Variants in SAP30BP observed in about 807,000 individuals in gnomAD.
SAP30BP encodes the protein SAP30-binding protein.
SAP30BP carries 31 observed loss-of-function variants against 46.3 expected under a neutral mutation model. The ratio of observed to expected loss-of-function variants is 0.67; its 90% CI spans 0.50 to 0.90. The LOEUF is 0.90. Among genes scored for constraint, SAP30BP ranks in the 40% least tolerant of loss-of-function variants. The pLI, the probability that SAP30BP is intolerant of heterozygous loss-of-function variation, is 0.00. For missense variants in SAP30BP, 312 were observed against 391.0 expected (o/e 0.80, Z 1.70); for synonymous variants, 169 against 144.2 (o/e 1.17, Z -1.23).
At chr17:75,702,835 C>T (rs902308853) in intron 6 of SAP30BP, 2 of 345,882 alleles carry the variant, frequency 5.8e-6, no homozygotes, top group Non-Finnish European at 1.1e-5. Flanking sequence ...CGTCCCTGCT[C>T]TGAGCCTAAA....
chr17:75,692,450 C>CACGT (rs1223049449), intron 3 of SAP30BP: 11 of 985,320 alleles, frequency 1.1e-5, no homozygotes, highest in Non-Finnish European at 1.3e-5. Context: ...TGATGATGAG[C>CACGT]ACGTGTGGCC....
intron 3 of SAP30BP, chr17:75,692,367 T>TC: frequency 3.0e-6 from 3 of 985,418 alleles, no homozygotes; most frequent in East Asian, 1.1e-4. Flanking sequence ...TCCTGTCTCA[T>TC]CTCCTCCCTC....
At chr17:75,685,709 C>T (rs909722507) in intron 3 of SAP30BP, among the ~76,000 whole-genome samples, 1 of 152,120 alleles carries the variant, frequency 6.6e-6, no homozygotes, top group Non-Finnish European at 1.5e-5. Flanking sequence ...TCCCCCCAAC[C>T]CCCCAAATAT....
intron 4 of SAP30BP, among the ~76,000 whole-genome samples, chr17:75,698,637 T>C (rs1410609775): frequency 6.6e-6 from 1 of 151,130 alleles, no homozygotes; most frequent in Admixed American, 6.6e-5. Flanking sequence ...TACAGACATA[T>C]GCAGTGGTGG....
chr17:75,680,310 C>G (rs908984059), intron 3 of SAP30BP, among the ~76,000 whole-genome samples: 1 of 152,122 alleles, frequency 6.6e-6, no homozygotes, highest in African/African-American at 2.4e-5. Flanking sequence ...TTTAAAAAGG[C>G]GTGTATAACC....
At chr17:75,697,467 G>T (rs893912581) in intron 4 of SAP30BP, among the ~76,000 whole-genome samples, 1 of 152,184 alleles carries the variant, frequency 6.6e-6, no homozygotes, top group African/African-American at 2.4e-5. Context: ...TGAGGAGTCA[G>T]GAGACCAAAG....
chr17:75,671,412 G>A (rs1368889035), intron 2 of SAP30BP, among the ~76,000 whole-genome samples: 1 of 152,132 alleles, frequency 6.6e-6, no homozygotes, highest in African/African-American at 2.4e-5. Flanking sequence ...AGGAAAGAAG[G>A]CTCATAATCC....
chr17:75,705,102 C>A, intron 9 of SAP30BP: 1 of 413,430 alleles, frequency 2.4e-6, no homozygotes, highest in Non-Finnish European at 4.5e-6. Flanking sequence ...TCATGGGGGC[C>A]CTTTGTAGCC....
At chr17:75,705,010 C>A in intron 9 of SAP30BP, 196 bp downstream of exon 9, 1 of 584,342 alleles carries the variant, frequency 1.7e-6, no homozygotes, top group Non-Finnish European at 3.1e-6. Flanking sequence ...CTGCTTTTGC[C>A]CTCGGAGACT....
At chr17:75,687,856 A>G (rs906287490) in intron 3 of SAP30BP, among the ~76,000 whole-genome samples, 2 of 152,132 alleles carry the variant, frequency 1.3e-5, no homozygotes, top group African/African-American at 4.8e-5. Context: ...AAGTTAAAAC[A>G]TAACAGCTGA....
chr17:75,703,701 C>T, intron 7 of SAP30BP, 107 bp from the exon 8 acceptor site: 1 of 994,772 alleles, frequency 1.0e-6, no homozygotes, highest in East Asian at 2.4e-5. Context: ...ACAGCCGAGC[C>T]CCGGGTAAGG....
At chr17:75,682,734 C>T (rs939690123) in intron 3 of SAP30BP, among the ~76,000 whole-genome samples, 7 of 151,872 alleles carry the variant, frequency 4.6e-5, no homozygotes, top group East Asian at 4.0e-4. Context: ...GAGGCCAAGG[C>T]GGGCGAATCA....
At chr17:75,705,796 A>C in intron 9 of SAP30BP, 18 of 981,164 alleles carry the variant, frequency 1.8e-5, no homozygotes, top group East Asian at 3.4e-5. Context: ...CGGGAGGGAT[A>C]CAGTACTGTT....
rs780998004 is a variant in SAP30BP at position 75,704,745 on chromosome 17, T to C, written c.602-11T>C. The C allele has an allele frequency of 1.2e-5, 20 of 1,612,454 alleles. No homozygotes were observed. Among genetic ancestry groups the C allele is most frequent in the Non-Finnish European group, 1.7e-5 (20 of 1,178,614 alleles). ...GGGCCACCTTTGTAACAGCTTCTCT[T>C]GTCTTCATAGCCAAGGCCCAGAAAA... On this transcript the variant is annotated splice_polypyrimidine_tract_variant and intron_variant, in intron 8 of 10. Coordinates refer to ENST00000584667, the MANE Select transcript of SAP30BP (RefSeq NM_013260.8).
chr17:75,678,998 T>G (rs1041134123), intron 3 of SAP30BP, among the ~76,000 whole-genome samples: 2 of 150,460 alleles, frequency 1.3e-5, no homozygotes, highest in African/African-American at 2.5e-5. Context: ...CAAGTTTTTT[T>G]TTTTTTTTTT....
intron 8 of SAP30BP, 104 bp downstream of exon 8, chr17:75,703,963 A>T: frequency 1.2e-6 from 1 of 867,402 alleles, no homozygotes; most frequent in African/African-American, 1.6e-5. Flanking sequence ...GGTCTACTCT[A>T]TGTCAGGCCA....
At chr17:75,678,154 C>G (rs1568303229) in intron 3 of SAP30BP, among the ~76,000 whole-genome samples, 2 of 151,940 alleles carry the variant, frequency 1.3e-5, no homozygotes, top group African/African-American at 4.8e-5. Flanking sequence ...CTCAGTTTTT[C>G]TCATCGCGAA....
chr17:75,695,013 G>A (rs185031502), intron 4 of SAP30BP, among the ~76,000 whole-genome samples: 10 of 152,228 alleles, frequency 6.6e-5, no homozygotes, highest in Admixed American at 5.9e-4. Flanking sequence ...GATACAGAAC[G>A]CACCCATCAC....
At chr17:75,705,036 G>C (rs1158468413) in intron 9 of SAP30BP, 1 of 536,712 alleles carries the variant, frequency 1.9e-6, no homozygotes, top group East Asian at 3.2e-5. Context: ...GCTACATTGT[G>C]CCCCCCTTTC....
Sources: gnomAD v4.1 joint callset for allele counts (sites outside exome capture counted in the v4.1 genomes callset) on GRCh38, gnomAD v4.1.1 for gene constraint, MANE v1.5 for transcripts, NCBI Gene and HGNC (gene_info 2026-07-23, HGNC 2026-07-21) for gene names.